Variants in ZNF486 observed in about 807,000 individuals in gnomAD.
ZNF486 encodes the protein zinc finger protein 486.
Under a neutral mutation model 12.8 loss-of-function variants are expected in ZNF486, and 12 were observed. The observed-to-expected ratio is 0.94, with a 90% confidence interval of 0.60 to 1.52. The LOEUF is 1.52. ZNF486 is among the 40% of genes most tolerant of loss of function. The pLI is 0.00. For missense variants in ZNF486, 738 were observed against 545.0 expected, an observed-to-expected ratio of 1.35 and a Z score of -3.53; for synonymous variants, 231 against 184.9, an observed-to-expected ratio of 1.25 and a Z score of -2.02.
intron 3 of ZNF486, among the ~76,000 whole-genome samples, chr19:20,194,914 T>C (rs1320662277): frequency 1.3e-5 from 2 of 152,176 alleles, no homozygotes; most frequent in African/African-American, 4.8e-5. Context: ...GTTTACATCA[T>C]ATTTTCTTTT....
At position 20,197,063 on chromosome 19, in the gene ZNF486, G is replaced by A; in HGVS notation, c.353G>A (p.Gly118Asp). The change falls in exon 4 of 4, where the codon GGC (glycine) becomes GAC (aspartate). Residue 118 changes from glycine to aspartate, a missense_variant. Physicochemically the swap from Gly to Asp is moderately conservative, Grantham distance 94 (BLOSUM62 -1). Coordinates refer to ENST00000335117, the MANE Select transcript of ZNF486 (RefSeq NM_052852.4). ...ILRKFEKCGH[G>D]NLHFKKGCES... ...AGAAAATTTGAAAAATGTGGACATGGCAATTTACACTTTAAAAAAGGCTGT... is the reference window on the plus strand; with the variant it reads ...AGAAAATTTGAAAAATGTGGACATGACAATTTACACTTTAAAAAAGGCTGT... The A allele has an allele frequency of 4.3e-6, 7 of 1,612,438 alleles. No individual in the cohort carries two copies. The highest frequency in any genetic ancestry group is 5.9e-6 in the Non-Finnish European group (7 of 1,179,692).
intron 1 of ZNF486, chr19:20,176,914 C>G (rs542826450): frequency 1.3e-5 from 2 of 152,372 alleles, no homozygotes; most frequent in South Asian, 2.1e-4. Flanking sequence ...ACTTTTGGAG[C>G]TATCTCTATC....
intron 1 of ZNF486, among the ~76,000 whole-genome samples, chr19:20,183,625 G>A (rs553559408): frequency 4.6e-5 from 7 of 152,182 alleles, no homozygotes; most frequent in East Asian, 1.9e-4. Context: ...GCAGTTAATG[G>A]TTAATGATTC....
rs371664166 is a variant in ZNF486 at position 20,186,090 on chromosome 19, C to A, written c.253+8C>A. ...TGATTGCCAAACCCCCAGGTAGGTG[C>A]GAATGAAAATGAACACAACAGACAA... On this transcript the variant is annotated splice_region_variant and intron_variant, in intron 3 of 3. Coordinates refer to ENST00000335117, the MANE Select transcript of ZNF486 (RefSeq NM_052852.4). 6 of 1,571,070 alleles carry A rather than the reference C, an allele frequency of 3.8e-6. No homozygotes were observed. The African/African-American group carries it at 8.3e-5, about 22-fold the overall frequency.
At chr19:20,188,964 T>A (rs1226527953) in intron 3 of ZNF486, among the ~76,000 whole-genome samples, 1 of 152,250 alleles carries the variant, frequency 6.6e-6, no homozygotes, top group Non-Finnish European at 1.5e-5. Flanking sequence ...ATGTTACATA[T>A]TTTGATGTGT....
intron 1 of ZNF486, among the ~76,000 whole-genome samples, chr19:20,175,559 T>C (rs2089698507): frequency 6.6e-6 from 1 of 151,484 alleles, no homozygotes; most frequent in Admixed American, 6.6e-5. Context: ...CCTTCAAGCA[T>C]CTGTTTAACA....
At chr19:20,184,130 G>A (rs1205645140) in intron 1 of ZNF486, among the ~76,000 whole-genome samples, 1 of 151,926 alleles carries the variant, frequency 6.6e-6, no homozygotes, top group Admixed American at 6.6e-5. Flanking sequence ...TTATTATCTA[G>A]AAAAATATCA....
intron 1 of ZNF486, among the ~76,000 whole-genome samples, chr19:20,170,919 A>G (rs782809926): frequency 2.6e-5 from 4 of 152,156 alleles, no homozygotes; most frequent in Non-Finnish European, 4.4e-5. Context: ...AGTTCTGTGA[A>G]TAGCTCTACC....
rs782183266 is a variant in ZNF486, at chr19:20,186,069, T to G, written c.240T>G (p.Ile80Met). The change falls in exon 3 of 4, where the codon ATT (isoleucine) becomes ATG (methionine). Residue 80 changes from isoleucine to methionine, a missense_variant. Ile to Met is a conservative substitution (Grantham distance 10). Transcript: ENST00000335117. ...KPLTMKRHEMIAKPPVVCSHF... is the reference protein window; with the variant it reads ...KPLTMKRHEMMAKPPVVCSHF... ...TGACTATGAAGAGACATGAGATGAT[T>G]GCCAAACCCCCAGGTAGGTGCGAAT... 8 of 1,587,312 alleles carry G rather than the reference T, an allele frequency of 5.0e-6. No homozygotes were observed. The East Asian group carries it at 1.6e-4, about 33-fold the overall frequency.
At chr19:20,192,282 T>C (rs1190822056) in intron 3 of ZNF486, among the ~76,000 whole-genome samples, 2 of 152,162 alleles carry the variant, frequency 1.3e-5, no homozygotes, top group Non-Finnish European at 1.5e-5. Flanking sequence ...TGAGGCATTC[T>C]ATAGCTTTTT....
chr19:20,186,436 T>C (rs975412542), intron 3 of ZNF486, among the ~76,000 whole-genome samples: 2 of 152,274 alleles, frequency 1.3e-5, no homozygotes, highest in African/African-American at 4.8e-5. Context: ...CTAAAACCCT[T>C]TTTTAAGTTG....
At chr19:20,193,936 A>G (rs1263417459) in intron 3 of ZNF486, among the ~76,000 whole-genome samples, 1 of 152,102 alleles carries the variant, frequency 6.6e-6, no homozygotes, top group African/African-American at 2.4e-5. Flanking sequence ...AATATATTTG[A>G]ATGTGGTAAA....
At chr19:20,184,697 T>C (rs1313278073) in intron 2 of ZNF486, among the ~76,000 whole-genome samples, 1 of 152,228 alleles carries the variant, frequency 6.6e-6, no homozygotes, top group Non-Finnish European at 1.5e-5. Flanking sequence ...GCTTTATTCT[T>C]CACTCTAAAT....
At chr19:20,184,226 T>A in intron 1 of ZNF486, 130 bp from the exon 2 acceptor site, 1 of 1,383,542 alleles carries the variant, frequency 7.2e-7, no homozygotes, top group South Asian at 1.4e-5. Flanking sequence ...GTATTGAAAA[T>A]TATTTTATTG....
chr19:20,176,632 G>A (rs914645391), intron 1 of ZNF486: 7 of 163,848 alleles, frequency 4.3e-5, no homozygotes, highest in Admixed American at 1.3e-4. Context: ...AGACCAGCCC[G>A]GCCAACACAG....
intron 1 of ZNF486, among the ~76,000 whole-genome samples, chr19:20,177,410 C>T (rs1555714975): frequency 6.6e-6 from 1 of 152,192 alleles, no homozygotes; most frequent in Non-Finnish European, 1.5e-5. Context: ...AATTAGCATA[C>T]ACAGATGGCC....
In ZNF486 at chr19:20,197,176, T is replaced by C. The variant is rs782136931; in HGVS notation, c.466T>C (p.Cys156Arg). ...LTTTQSKIFQCGKYVKVFHQF... is the reference protein window; with the variant it reads ...LTTTQSKIFQRGKYVKVFHQF... The stretch of plus-strand genomic sequence containing the variant: ...AACTACCCAGAGCAAAATATTTCAA[T>C]GTGGTAAATATGTGAAAGTCTTTCA... Residue 156 changes from cysteine to arginine, a missense_variant, in exon 4 of 4, where the codon TGT (cysteine) becomes CGT (arginine). By Grantham distance (180) the Cys-to-Arg change is radical. Coordinates refer to ENST00000335117, the MANE Select transcript of ZNF486 (RefSeq NM_052852.4). 9.9e-6 allele frequency: 16 copies of C among 1,613,650 alleles called. 1 individual carries two copies. The South Asian group carries it at 1.8e-4, about 18-fold the overall frequency.
chr19:20,174,503 C>T (rs1047624879), intron 1 of ZNF486, among the ~76,000 whole-genome samples: 1 of 152,008 alleles, frequency 6.6e-6, no homozygotes, highest in Non-Finnish European at 1.5e-5. Context: ...ATTCTCCTGC[C>T]TCAGCCTTCC....
At chr19:20,184,314 A>T (rs1294360383) in intron 1 of ZNF486, 42 bp from the exon 2 acceptor site, 1 of 1,607,018 alleles carries the variant, frequency 6.2e-7, no homozygotes, top group Non-Finnish European at 8.5e-7. Context: ...AATTCCACCA[A>T]CGGCGACTTG....
Sources: gnomAD v4.1 joint callset for allele counts (sites outside exome capture counted in the v4.1 genomes callset) on GRCh38, gnomAD v4.1.1 for gene constraint, MANE v1.5 for transcripts, NCBI Gene and HGNC (gene_info 2026-07-23, HGNC 2026-07-21) for gene names.